The following LRPPRC variants were observed in gnomAD, a reference collection of about 807,000 sequenced individuals.
The protein encoded by LRPPRC is leucine rich pentatricopeptide repeat containing, also known as leucine-rich PPR motif-containing protein, mitochondrial.
In LRPPRC, 120 loss-of-function variants were observed where a neutral mutation model predicts 180.3. The ratio of observed to expected loss-of-function variants is 0.67; its 90% CI spans 0.57 to 0.77. The LOEUF (loss-of-function observed/expected upper bound fraction) is 0.77, where lower values mean the gene tolerates loss of function less well. Ranked by LOEUF, LRPPRC falls within the 30% of genes least tolerant of loss-of-function variation. The pLI is 0.00. For missense variants in LRPPRC, 2,012 were observed against 1,657.2 expected, an observed-to-expected ratio of 1.21 and a Z score of -3.72; for synonymous variants, 723 against 600.0, an observed-to-expected ratio of 1.21 and a Z score of -3.00.
At position 43,995,859 on chromosome 2, in the gene LRPPRC, C is replaced by A; in HGVS notation, c.89G>T (p.Gly30Val). Residue 30 changes from glycine (G) to valine (V), a missense_variant, in exon 1 of 38, where the codon GGC (glycine) becomes GTC (valine). Physicochemically the swap from Gly to Val is moderately radical, Grantham distance 109 (BLOSUM62 -3). Coordinates refer to ENST00000260665, the MANE Select transcript of LRPPRC (RefSeq NM_133259.4). ...GGAGGCGGCATGCAGCCGGCCCGGG[C>A]CGCCAGGGAGGAGGCGCAGGGAGAG... ...LPLSLRLLPG[G>V]PGRLHAASYL... 1 of 1,486,294 alleles carries A rather than the reference C, an allele frequency of 6.7e-7. No individual in the cohort carries two copies. The highest frequency in any genetic ancestry group is 1.3e-5 in the South Asian group (1 of 78,534). The allele number at this position is 1,486,294 out of a possible 1,614,324, so 92.1% of individuals were successfully genotyped here.
intron 35 of LRPPRC, among the ~76,000 whole-genome samples, chr2:43,895,791 A>C (rs375475370): frequency 2.6e-5 from 4 of 152,152 alleles, no homozygotes; most frequent in African/African-American, 9.7e-5. Flanking sequence ...TTCATAAAGA[A>C]CCCAAATAAA....
At chr2:43,983,808 C>T (rs2103751054) in intron 1 of LRPPRC, among the ~76,000 whole-genome samples, 1 of 152,248 alleles carries the variant, frequency 6.6e-6, no homozygotes, top group East Asian at 1.9e-4. Context: ...GGAAACTATA[C>T]TAGAGGTTTC....
intron 1 of LRPPRC, among the ~76,000 whole-genome samples, chr2:43,990,637 T>C (rs1674733520): frequency 6.6e-6 from 1 of 152,112 alleles, no homozygotes. Flanking sequence ...CTACCATGTG[T>C]CCTCTAAAAC....
In LRPPRC at chr2:43,947,856, A is replaced by G. The variant is rs1304137855; in HGVS notation, c.1921-81T>C. The G allele has an allele frequency of 2.9e-5, 26 of 890,534 alleles. No individual in the cohort carries two copies. The South Asian group carries it at 3.4e-4, about 12-fold the overall frequency. 55.2% of individuals were successfully genotyped at this position (890,534 alleles called of 1,614,324 possible). A position where few individuals can be genotyped will look rare whatever the true frequency, so the allele number is the denominator to read the frequency against. ...AGCAAACATCAAAAGCAAATTTGTA[A>G]GTCTCACCTCATATTACTACTTTTC... is the stretch of plus-strand genomic sequence containing the variant. On this transcript the variant is annotated intron_variant, in intron 18 of 37. Coordinates refer to ENST00000260665, the MANE Select transcript of LRPPRC (RefSeq NM_133259.4).
rs772280315 is a variant in LRPPRC at position 43,945,414 on chromosome 2, G to T, written c.2214C>A (p.Asp738Glu). ...CAAGGACAGCAGATGAATCTAAGCG[G>T]TCACTAAAAATTAAAGCCACATTTA... ...EDALNLKEEF[D>E]RLDSSAVLDT... Residue 738 changes from aspartate (D) to glutamate (E), a missense_variant, in exon 22 of 38, where the codon GAC (aspartate) becomes GAA (glutamate). Physicochemically the swap from Asp to Glu is conservative, Grantham distance 45. Transcript: ENST00000260665. 10 of 1,603,488 alleles carry T rather than the reference G, an allele frequency of 6.2e-6. No individual in the cohort carries two copies. In the African/African-American group the frequency reaches 1.2e-4, roughly 19 times the overall value.
chr2:43,971,089 A>T (rs1182980618), intron 11 of LRPPRC, among the ~76,000 whole-genome samples: 5 of 146,646 alleles, frequency 3.4e-5, no homozygotes, highest in Admixed American at 6.7e-5. Flanking sequence ...AACAAGAGCG[A>T]AACTGTGTCA....
intron 1 of LRPPRC, among the ~76,000 whole-genome samples, chr2:43,994,340 C>T (rs191844344): frequency 6.6e-6 from 1 of 152,222 alleles, no homozygotes; most frequent in East Asian, 1.9e-4. Flanking sequence ...AATTTTATGG[C>T]GAGATTAGGT....
At chr2:43,911,149 G>GATATATATATAT (rs34332260) in intron 30 of LRPPRC, among the ~76,000 whole-genome samples, 1 of 146,240 alleles carries the variant, frequency 6.8e-6, no homozygotes, top group African/African-American at 2.5e-5. Flanking sequence ...GAGTGTTCTA[G>GATATATATATAT]ATATATATAT....
In LRPPRC at chr2:43,918,142, C is replaced by G. The variant is rs770768982; in HGVS notation, c.3040-9G>C. 2 of 1,606,964 alleles carry G rather than the reference C, an allele frequency of 1.2e-6. No homozygotes were observed. The highest frequency in any genetic ancestry group is 1.7e-6 in the Non-Finnish European group (2 of 1,173,610). ...TCATCTTCATACCACAACTTTAAAA[C>G]AAAGTTATTCTGTTAAATAAAAACT... On this transcript the variant is annotated splice_polypyrimidine_tract_variant and intron_variant, in intron 28 of 37. Transcript: ENST00000260665.
chr2:43,994,069 A>C (rs1387001981), intron 1 of LRPPRC, among the ~76,000 whole-genome samples: 1 of 152,042 alleles, frequency 6.6e-6, no homozygotes, highest in Admixed American at 6.6e-5. Context: ...TGCAACAGTG[A>C]AGATAAAAGA....
rs184466584 is a variant in LRPPRC, at chr2:43,886,627, G to C, written c.*1973C>G. The C allele has an allele frequency of 7.2e-5, 11 of 152,300 alleles. No individual in the cohort carries two copies. In the East Asian group the frequency reaches 2.1e-3, roughly 29 times the overall value. 9.4% of individuals were successfully genotyped at this position (152,300 alleles called of 1,614,324 possible). ...TCTGTACCACACTCACATTTTACCAGAGTCCATATACAGGGCCAGTGTGGA... is the reference window on the plus strand; with the variant it reads ...TCTGTACCACACTCACATTTTACCACAGTCCATATACAGGGCCAGTGTGGA... On this transcript the variant is annotated 3_prime_UTR_variant, in exon 38 of 38. Transcript: ENST00000260665.
intron 15 of LRPPRC, among the ~76,000 whole-genome samples, chr2:43,950,371 C>T (rs940742538): frequency 7.2e-5 from 11 of 152,092 alleles, no homozygotes; most frequent in Non-Finnish European, 1.2e-4. Context: ...TGATCCTCTC[C>T]CTCCTCCCAT....
intron 25 of LRPPRC, among the ~76,000 whole-genome samples, chr2:43,931,523 A>G (rs1441476233): frequency 6.6e-6 from 1 of 152,230 alleles, no homozygotes; most frequent in East Asian, 1.9e-4. Context: ...TCACACAGGC[A>G]GTTCCTTCTG....
intron 23 of LRPPRC, among the ~76,000 whole-genome samples, chr2:43,941,281 G>C (rs1672471145): frequency 6.6e-6 from 1 of 152,144 alleles, no homozygotes; most frequent in Non-Finnish European, 1.5e-5. Flanking sequence ...TCTTTCTAAG[G>C]AACTCAGTCT....
chr2:43,979,586 T>C (rs768122498), intron 3 of LRPPRC, among the ~76,000 whole-genome samples: 1 of 152,188 alleles, frequency 6.6e-6, no homozygotes, highest in African/African-American at 2.4e-5. Flanking sequence ...AAACCGGCTA[T>C]TTTCTTCTTT....
chr2:43,936,976 T>C (rs562846665), intron 23 of LRPPRC, among the ~76,000 whole-genome samples: 14 of 152,160 alleles, frequency 9.2e-5, no homozygotes, highest in Non-Finnish European at 1.9e-4. Context: ...TACTAAAACA[T>C]TTTTTAAGAG....
chr2:43,949,541 C>T, intron 16 of LRPPRC, 61 bp downstream of exon 16: 4 of 1,199,162 alleles, frequency 3.3e-6, no homozygotes, highest in South Asian at 1.2e-5. Flanking sequence ...CCTCCTAACC[C>T]ATCATTACAC....
rs868765494 is a variant in LRPPRC, at chr2:43,890,510, G to A, written c.3986-634C>T. On this transcript the variant is annotated intron_variant, in intron 36 of 37. Coordinates refer to ENST00000260665, the MANE Select transcript of LRPPRC (RefSeq NM_133259.4). Reference sequence around the variant, plus strand: ...AGGCGGATCACGAGGTTAGGAGATCGAGACCATCCTGGCTAACATGGTGAA... The same window carrying A: ...AGGCGGATCACGAGGTTAGGAGATCAAGACCATCCTGGCTAACATGGTGAA... 5.3e-5 allele frequency: 17 copies of A among 323,188 alleles called. 1 individual carries two copies. The highest frequency in any genetic ancestry group is 9.7e-5 in the Non-Finnish European group (15 of 154,110). The allele number at this position is 323,188 out of a possible 1,614,324, so 20.0% of individuals were successfully genotyped here.
At chr2:43,914,760 T>G (rs1266996453) in intron 29 of LRPPRC, among the ~76,000 whole-genome samples, 1 of 151,978 alleles carries the variant, frequency 6.6e-6, no homozygotes, top group Admixed American at 6.6e-5. Context: ...ATTAACAGGA[T>G]GAAACCAATT....
Sources: allele counts gnomAD v4.1 joint callset (sites outside exome capture counted in the v4.1 genomes callset), GRCh38; gene constraint gnomAD v4.1.1; transcripts MANE v1.5; gene names NCBI Gene and HGNC (gene_info 2026-07-23, HGNC 2026-07-21).